DLGAP2: variants seen among roughly 807,000 people sequenced by gnomAD.
DLGAP2 encodes DLG associated protein 2.
DLGAP2 carries 26 observed loss-of-function variants against 100.3 expected under a neutral mutation model. That is an observed-to-expected ratio of 0.26 (90% CI 0.19 to 0.36). The LOEUF is 0.36. Ranked by LOEUF, DLGAP2 falls within the 10% of genes least tolerant of loss-of-function variation. The pLI is 1.00. For missense variants in DLGAP2, 1,858 were observed against 1,453.2 expected (o/e 1.28, Z -4.53); for synonymous variants, 886 against 630.1 (o/e 1.41, Z -6.08).
intron 1 of DLGAP2, among the ~76,000 whole-genome samples, chr8:801,778 C>T (rs916306783): frequency 2.6e-5 from 4 of 152,176 alleles, no homozygotes; most frequent in Non-Finnish European, 5.9e-5. Flanking sequence ...GGCTGTTTCT[C>T]TCCTGGGGGT....
intron 1 of DLGAP2, among the ~76,000 whole-genome samples, chr8:852,706 T>C (rs992518589): frequency 1.3e-5 from 2 of 152,196 alleles, no homozygotes; most frequent in Admixed American, 1.3e-4. Context: ...TCAACGTTTC[T>C]GTAAAGGGTA....
At chr8:1,390,813 C>T (rs74929282) in intron 3 of DLGAP2, among the ~76,000 whole-genome samples, 8,005 of 152,244 alleles carry the variant, frequency 0.053, 266 homozygotes, top group Admixed American at 0.094. Flanking sequence ...ATCCACAGAG[C>T]GAGCCCATAG....
chr8:900,247 G>A (rs1351797354), intron 1 of DLGAP2, among the ~76,000 whole-genome samples: 1 of 150,852 alleles, frequency 6.6e-6, no homozygotes, highest in Non-Finnish European at 1.5e-5. Flanking sequence ...TCAGGGCATT[G>A]CTCCCAGGCG....
intron 2 of DLGAP2, among the ~76,000 whole-genome samples, chr8:1,027,151 G>A (rs986701325): frequency 1.3e-5 from 2 of 152,132 alleles, no homozygotes; most frequent in Admixed American, 1.3e-4. Context: ...AACACAAGAT[G>A]GGAAATGGAA....
chr8:1,369,825 C>G (rs572278489), intron 3 of DLGAP2: 1 of 152,282 alleles, frequency 6.6e-6, no homozygotes, highest in East Asian at 1.9e-4. Flanking sequence ...GATGCTCTCA[C>G]GGATCCACAG....
intron 3 of DLGAP2, among the ~76,000 whole-genome samples, chr8:1,377,277 G>A (rs1303952881): frequency 6.6e-6 from 1 of 152,236 alleles, no homozygotes; most frequent in Non-Finnish European, 1.5e-5. Context: ...GAGCGCAGTG[G>A]CTCACGCCTG....
At chr8:1,362,802 G>A (rs1236290646) in intron 3 of DLGAP2, among the ~76,000 whole-genome samples, 2 of 152,244 alleles carry the variant, frequency 1.3e-5, no homozygotes, top group African/African-American at 4.8e-5. Context: ...GGATTAGGAG[G>A]CGCGACCGCC....
chr8:1,100,461 C>G (rs1804541056), intron 2 of DLGAP2, among the ~76,000 whole-genome samples: 1 of 152,012 alleles, frequency 6.6e-6, no homozygotes, highest in Admixed American at 6.5e-5. Context: ...TCCAGCATGT[C>G]CACAGTGTAC....
At chr8:1,070,508 C>T (rs986789248) in intron 2 of DLGAP2, among the ~76,000 whole-genome samples, 5 of 152,178 alleles carry the variant, frequency 3.3e-5, no homozygotes. Context: ...AAGTCAAATC[C>T]GTGTCCTTAG....
rs535686800 is a variant in DLGAP2 at position 1,585,713 on chromosome 8, G to T, written c.1442+19819G>T. ...GGCCCCGTGCCCCCACCACCCAGCC[G>T]TGGGCAGTGCCTGGGCAGTACTGTA... On this transcript the variant is annotated intron_variant, in intron 6 of 14. Coordinates refer to ENST00000637795, the MANE Select transcript of DLGAP2 (RefSeq NM_001346810.2). Among the ~76,000 whole-genome samples the T allele has an allele frequency of 7.9e-5, 12 of 152,304 alleles. No individual in the cohort carries two copies. In the South Asian group the frequency reaches 2.5e-3, roughly 32 times the overall value.
chr8:1,060,209 C>T (rs1179181019), intron 2 of DLGAP2, among the ~76,000 whole-genome samples: 5 of 152,142 alleles, frequency 3.3e-5, no homozygotes, highest in Non-Finnish European at 5.9e-5. Flanking sequence ...GACTGGGTGG[C>T]TGAAGGTAAC....
At chr8:904,383 GGT>G (rs1266384807) in intron 1 of DLGAP2, among the ~76,000 whole-genome samples, 1 of 152,172 alleles carries the variant, frequency 6.6e-6, no homozygotes, top group African/African-American at 2.4e-5. Context: ...AGCCAGGCGT[GGT>G]GGCAGGTGCC....
At chr8:1,332,042 G>T (rs184029594) in intron 3 of DLGAP2, among the ~76,000 whole-genome samples, 4 of 152,354 alleles carry the variant, frequency 2.6e-5, no homozygotes, top group East Asian at 1.9e-4. Context: ...TGGTGAACCA[G>T]TGTTGGGGTG....
intron 8 of DLGAP2, among the ~76,000 whole-genome samples, chr8:1,667,514 T>C (rs960767754): frequency 1.3e-5 from 2 of 152,182 alleles, no homozygotes; most frequent in Non-Finnish European, 2.9e-5. Flanking sequence ...GAGCCTGTAC[T>C]TATAGGGAAG....
chr8:1,701,652 T>A lies in DLGAP2; in HGVS notation c.*246T>A. The A allele has an allele frequency of 1.8e-6, 1 of 557,702 alleles. No homozygotes were observed. Among genetic ancestry groups the A allele is most frequent in the Non-Finnish European group, 3.1e-6 (1 of 319,850 alleles). 34.5% of individuals were successfully genotyped at this position (557,702 alleles called of 1,614,324 possible). A position where few individuals can be genotyped will look rare whatever the true frequency, so the allele number is the denominator to read the frequency against. ...GGGTGGCCTGGCTCACACTTGGCTC[T>A]GAGGGACAGGTGTGGCGAGACCTGA... is the stretch of plus-strand genomic sequence containing the variant. On this transcript the variant is annotated 3_prime_UTR_variant, in exon 15 of 15. Transcript: ENST00000637795.
chr8:1,250,796 T>C (rs1439317150), intron 2 of DLGAP2, among the ~76,000 whole-genome samples: 1 of 152,172 alleles, frequency 6.6e-6, no homozygotes, highest in Non-Finnish European at 1.5e-5. Flanking sequence ...ACACACGATT[T>C]ATTAATTAAC....
intron 3 of DLGAP2, among the ~76,000 whole-genome samples, chr8:1,366,090 C>T (rs1802101976): frequency 1.3e-5 from 2 of 152,214 alleles, no homozygotes; most frequent in Admixed American, 1.3e-4. Context: ...ACTGTGCACC[C>T]GAAGGCCAGA....
chr8:1,216,512 A>AT (rs914407547), intron 2 of DLGAP2, among the ~76,000 whole-genome samples: 16 of 150,222 alleles, frequency 1.1e-4, no homozygotes, highest in African/African-American at 2.2e-4. Context: ...TTTTTTTTCA[A>AT]TTTTTTTACA....
At chr8:1,159,583 G>A (rs377767058) in intron 2 of DLGAP2, among the ~76,000 whole-genome samples, 1 of 31,220 alleles carries the variant, frequency 3.2e-5, no homozygotes, top group Non-Finnish European at 6.8e-5. Flanking sequence ...ACTCTTCTGT[G>A]TATTTTTCTA....
Sources: gnomAD v4.1 joint callset for allele counts (sites outside exome capture counted in the v4.1 genomes callset) on GRCh38, gnomAD v4.1.1 for gene constraint, MANE v1.5 for transcripts, NCBI Gene and HGNC (gene_info 2026-07-23, HGNC 2026-07-21) for gene names.